C10orf71: variants seen among roughly 807,000 people sequenced by gnomAD.
C10orf71 encodes cardiac-enriched FHL2-interacting protein.
For synonymous variants in C10orf71, 758 were observed against 726.3 expected (o/e 1.04, Z -0.70); for missense variants, 1,869 against 1,804.5 (o/e 1.04, Z -0.65).
At position 49,327,080 on chromosome 10, in the gene C10orf71, G is replaced by T. The variant is rs115951880; in HGVS notation, c.*227G>T. The stretch of plus-strand genomic sequence containing the variant: ...CTCCTCTGATGGAGGGGCACTGCTT[G>T]CTTGGCCCGGTCCCCTCCGTGCCAG... On this transcript the variant is annotated 3_prime_UTR_variant, in exon 3 of 3. Coordinates refer to ENST00000374144, the MANE Select transcript of C10orf71 (RefSeq NM_001135196.2). 306 of 1,473,048 alleles carry T rather than the reference G, an allele frequency of 2.1e-4. 1 individual carries two copies. In the African/African-American group the frequency reaches 4.0e-3, roughly 19 times the overall value. 91.2% of individuals were successfully genotyped at this position (1,473,048 alleles called of 1,614,324 possible).
rs1590342776 is a variant in C10orf71, at chr10:49,325,458, G to A, written c.2913G>A (p.Lys971=). ...MPLVGEGDRV[K]APPDAAPGLV... is the part of the protein sequence containing the mutation. ...TGGTGGGAGAGGGGGACCGGGTGAA[G>A]GCACCACCAGATGCTGCACCTGGCC... is the stretch of plus-strand genomic sequence containing the variant. The change falls in exon 3 of 3, where the codon AAG becomes AAA. Residue 971 remains lysine, a synonymous_variant. Transcript: ENST00000374144. 6.5e-7 allele frequency: 1 copy of A among 1,550,350 alleles called. No individual in the cohort carries two copies. The highest frequency in any genetic ancestry group is 1.2e-5 in the South Asian group (1 of 83,994).
rs60669434 is a variant in C10orf71 at position 49,300,461 on chromosome 10, C to CAAAA, written c.-248+1244_-248+1247dup. On this transcript the variant is annotated intron_variant, in intron 1 of 2. Coordinates refer to ENST00000374144, the MANE Select transcript of C10orf71 (RefSeq NM_001135196.2). ...CATCTTGAGATGGGTCAATTTAATA[C>CAAAA]AAAAAAAAAAAAAAAAAAAGCAGTG... is the stretch of plus-strand genomic sequence containing the variant. Among the ~76,000 whole-genome samples the CAAAA allele has an allele frequency of 8.4e-4, 91 of 108,566 alleles. 4 individuals carry two copies. Among genetic ancestry groups the CAAAA allele is most frequent in the East Asian group, 7.5e-3 (29 of 3,878 alleles). 71.2% of individuals were successfully genotyped at this position (108,566 alleles called of 152,430 possible). A position where few individuals can be genotyped will look rare whatever the true frequency, so the allele number is the denominator to read the frequency against.
chr10:49,325,736 A>G lies in C10orf71; in HGVS notation c.3191A>G (p.Glu1064Gly). 1.3e-6 allele frequency: 2 copies of G among 1,551,304 alleles called. No individual in the cohort carries two copies. The highest frequency in any genetic ancestry group is 1.2e-5 in the South Asian group (1 of 84,040). The change falls in exon 3 of 3, where the codon GAG (glutamate) becomes GGG (glycine). Residue 1064 changes from glutamate to glycine, a missense_variant. Coordinates refer to ENST00000374144, the MANE Select transcript of C10orf71 (RefSeq NM_001135196.2). ...ANSPNPGSPG[E>G]SSACSPAASN... ...TCCCCCAACCCCGGCTCCCCCGGGG[A>G]GAGCAGTGCCTGCTCCCCTGCTGCC... is the stretch of plus-strand genomic sequence containing the variant.
chr10:49,322,328 T>G (rs1163335527), intron 2 of C10orf71, 74 bp from the exon 3 acceptor site: 1 of 512,732 alleles, frequency 2.0e-6, no homozygotes, highest in Non-Finnish European at 3.3e-6. Context: ...GGCACCATTT[T>G]CCACCTGAAC....
At chr10:49,315,218 A>G (rs1208197905) in intron 1 of C10orf71, among the ~76,000 whole-genome samples, 2 of 152,232 alleles carry the variant, frequency 1.3e-5, no homozygotes, top group Non-Finnish European at 2.9e-5. Flanking sequence ...ATGATTATTA[A>G]TATTATTAAT....
chr10:49,325,145 T>G lies in C10orf71; in HGVS notation c.2600T>G (p.Val867Gly). 1 of 1,552,110 alleles carries G rather than the reference T, an allele frequency of 6.4e-7. No individual in the cohort carries two copies. Residue 867 changes from valine (V) to glycine (G), a missense_variant, in exon 3 of 3, where the codon GTA becomes GGA. Physicochemically the swap from Val to Gly is moderately radical, Grantham distance 109 (BLOSUM62 -3). Transcript: ENST00000374144. ...IKDNTLRATP[V>G]IKPIMLPLLR... The stretch of plus-strand genomic sequence containing the variant: ...GACAACACCCTCAGAGCTACCCCCG[T>G]AATTAAACCTATCATGCTGCCTCTC...
In C10orf71 at chr10:49,325,428, G is replaced by A. The variant is rs1343567181; in HGVS notation, c.2883G>A (p.Met961Ile). ...QPAPKGNFPS[M>I]PLVGEGDRVK... ...CCCCAAAGGGGAATTTCCCATCTAT[G>A]CCTCTGGTGGGAGAGGGGGACCGGG... The change falls in exon 3 of 3, where the codon ATG becomes ATA. Residue 961 changes from methionine to isoleucine, a missense_variant. Physicochemically the swap from Met to Ile is conservative, Grantham distance 10 (BLOSUM62 1). Coordinates refer to ENST00000374144, the MANE Select transcript of C10orf71 (RefSeq NM_001135196.2). 1 of 1,550,148 alleles carries A rather than the reference G, an allele frequency of 6.5e-7. No homozygotes were observed.
chr10:49,322,892 G>A lies in C10orf71; in HGVS notation c.347G>A (p.Ser116Asn). The A allele has an allele frequency of 6.2e-7, 1 of 1,613,884 alleles. No individual in the cohort carries two copies. The highest frequency in any genetic ancestry group is 8.5e-7 in the Non-Finnish European group (1 of 1,179,842). Residue 116 changes from serine to asparagine, a missense_variant, in exon 3 of 3, where the codon AGC (serine) becomes AAC (asparagine). By Grantham distance (46) the Ser-to-Asn change is conservative. Transcript: ENST00000374144. Reference sequence around the variant, plus strand: ...GGAGAGGAAAAGTACCCCAAAACCAGCCCCCCACCAACGCCAGTCCAGAGG... The same window carrying A: ...GGAGAGGAAAAGTACCCCAAAACCAACCCCCCACCAACGCCAGTCCAGAGG... ...VQGEEKYPKT[S>N]PPPTPVQRRL...
chr10:49,322,759 G>C lies in C10orf71; in HGVS notation c.214G>C (p.Val72Leu), dbSNP rs773779214. 2.5e-6 allele frequency: 4 copies of C among 1,613,758 alleles called. No homozygotes were observed. The highest frequency in any genetic ancestry group is 1.3e-5 in the African/African-American group (1 of 75,062). ...GTTTGGGACTTTTCACCAGAGAACA[G>C]TGGGCCACACCCAGAGGAAAAGTGG... The part of the protein sequence containing the change: ...QVFGTFHQRT[V>L]GHTQRKSGIW... Residue 72 changes from valine (V) to leucine (L), a missense_variant, in exon 3 of 3, where the codon GTG becomes CTG. Physicochemically the swap from Val to Leu is conservative, Grantham distance 32 (BLOSUM62 1). Coordinates refer to ENST00000374144, the MANE Select transcript of C10orf71 (RefSeq NM_001135196.2).
At chr10:49,321,880 C>T (rs117622927) in intron 2 of C10orf71, among the ~76,000 whole-genome samples, 489 of 152,264 alleles carry the variant, frequency 3.2e-3, no homozygotes, top group Non-Finnish European at 5.5e-3. Context: ...AGTTTCTCTA[C>T]CCATTTTTAA....
Position 49,326,476 on chromosome 10 carries a change from T to G in C10orf71, c.3931T>G (p.Ser1311Ala). 6.5e-7 allele frequency: 1 copy of G among 1,550,136 alleles called. No homozygotes were observed. The highest frequency in any genetic ancestry group is 8.7e-7 in the Non-Finnish European group (1 of 1,146,688). ...AGAGACGGGCAAGTATGTCAAGGTC[T>G]CCATCCCGTCCTCCGAGGGGGCCTC... ...DPETGKYVKVSIPSSEGASPE... is the reference protein window; with the variant it reads ...DPETGKYVKVAIPSSEGASPE... The change falls in exon 3 of 3, where the codon TCC becomes GCC. Residue 1311 changes from serine (S) to alanine (A), a missense_variant. Coordinates refer to ENST00000374144, the MANE Select transcript of C10orf71 (RefSeq NM_001135196.2).
chr10:49,310,417 A>G lies in C10orf71; in HGVS notation c.-247-5728A>G, dbSNP rs556183699. On this transcript the variant is annotated intron_variant, in intron 1 of 2. Transcript: ENST00000374144. ...CTAAGGAAGCCTGAATCCACAGGCCAGAGGTTCAGGGTTTCCTCCTGGAGA... is the reference window on the plus strand; with the variant it reads ...CTAAGGAAGCCTGAATCCACAGGCCGGAGGTTCAGGGTTTCCTCCTGGAGA... Among the ~76,000 whole-genome samples the G allele has an allele frequency of 5.7e-4, 87 of 152,344 alleles. 1 individual carries two copies. Among genetic ancestry groups the G allele is most frequent in the African/African-American group, 1.9e-3 (80 of 41,570 alleles).
At chr10:49,309,388 A>G (rs1238954193) in intron 1 of C10orf71, among the ~76,000 whole-genome samples, 2 of 152,316 alleles carry the variant, frequency 1.3e-5, no homozygotes, top group Non-Finnish European at 2.9e-5. Context: ...CTGCTGTATG[A>G]GAATACAACA....
At position 49,326,729 on chromosome 10, in the gene C10orf71, A is replaced by C. The variant is rs936839255; in HGVS notation, c.4184A>C (p.His1395Pro). 3 of 1,549,654 alleles carry C rather than the reference A, an allele frequency of 1.9e-6. No homozygotes were observed. In the African/African-American group the frequency reaches 4.1e-5, roughly 21 times the overall value. Residue 1395 changes from histidine to proline, a missense_variant, in exon 3 of 3, where the codon CAC becomes CCC. Transcript: ENST00000374144. ...DPGPHGDCTP[H>P]SAGQRPHGPP... ...GGGCCTCACGGTGACTGCACCCCGC[A>C]CTCTGCAGGCCAGCGCCCTCATGGT... is the stretch of plus-strand genomic sequence containing the variant.
Position 49,326,325 on chromosome 10 carries a change from C to T in C10orf71, c.3780C>T (p.Gly1260=). 1 of 1,548,588 alleles carries T rather than the reference C, an allele frequency of 6.5e-7. No homozygotes were observed. Among genetic ancestry groups the T allele is most frequent in the Admixed American group, 2.0e-5 (1 of 50,890 alleles). Residue 1260 remains glycine (G), a synonymous_variant, in exon 3 of 3, where the codon GGC becomes GGT. Transcript: ENST00000374144. ...FSEPVGRRPG[G]PQSLTPLPAY... Reference sequence around the variant, plus strand: ...AGCCTGTCGGGAGGCGGCCCGGGGGCCCCCAGTCCCTCACACCCCTGCCCG... The same window carrying T: ...AGCCTGTCGGGAGGCGGCCCGGGGGTCCCCAGTCCCTCACACCCCTGCCCG...
At chr10:49,321,192 G>A (rs915836052) in intron 2 of C10orf71, among the ~76,000 whole-genome samples, 12 of 151,976 alleles carry the variant, frequency 7.9e-5, no homozygotes, top group African/African-American at 2.7e-4. Flanking sequence ...TAACTGAAAC[G>A]TTACTTCCTT....
At position 49,326,542 on chromosome 10, in the gene C10orf71, G is replaced by A; in HGVS notation, c.3997G>A (p.Val1333Met). 1.3e-6 allele frequency: 2 copies of A among 1,550,658 alleles called. No homozygotes were observed. Among genetic ancestry groups the A allele is most frequent in the Non-Finnish European group, 8.7e-7 (1 of 1,146,890 alleles). The change falls in exon 3 of 3, where the codon GTG becomes ATG. Residue 1333 changes from valine (V) to methionine (M), a missense_variant. Val to Met is a conservative substitution (Grantham distance 21, BLOSUM62 1). Coordinates refer to ENST00000374144, the MANE Select transcript of C10orf71 (RefSeq NM_001135196.2). ...PPPDALAAPY[V>M]LYPGFQPVPV... ...ACCGGACGCCCTGGCCGCTCCCTAT[G>A]TGCTGTACCCCGGCTTCCAGCCAGT...
At chr10:49,319,108 C>T (rs746275418) in intron 2 of C10orf71, among the ~76,000 whole-genome samples, 7 of 152,250 alleles carry the variant, frequency 4.6e-5, no homozygotes, top group Non-Finnish European at 7.3e-5. Context: ...GATGTCCACT[C>T]TTCCAGACAC....
chr10:49,323,670 G>A lies in C10orf71; in HGVS notation c.1125G>A (p.Lys375=). The A allele has an allele frequency of 2.5e-6, 4 of 1,610,926 alleles. No individual in the cohort carries two copies. The highest frequency in any genetic ancestry group is 2.5e-6 in the Non-Finnish European group (3 of 1,179,162). Residue 375 remains lysine, a synonymous_variant, in exon 3 of 3, where the codon AAG becomes AAA. Transcript: ENST00000374144. ...GCTCACAACCTGATTCTCAAGAGAA[G>A]CCAGCCCAGCCCCCATGGAGGAAGC... ...APSSQPDSQE[K]PAQPPWRKPK...
Sources: allele counts gnomAD v4.1 joint callset (sites outside exome capture counted in the v4.1 genomes callset), GRCh38; gene constraint gnomAD v4.1.1; transcripts MANE v1.5; gene names NCBI Gene and HGNC (gene_info 2026-07-23, HGNC 2026-07-21).